The following GPC6 variants were observed in gnomAD, a reference collection of about 807,000 sequenced individuals.
The protein encoded by GPC6 is glypican 6.
A neutral mutation model predicts 55.2 loss-of-function variants in GPC6; 14 were observed. The ratio of observed to expected loss-of-function variants is 0.25; its 90% CI spans 0.17 to 0.40. The LOEUF is 0.40. GPC6 is among the 10% of genes least tolerant of loss of function. The pLI, the probability that GPC6 is intolerant of heterozygous loss-of-function variation, is 1.00. For synonymous variants in GPC6, 278 were observed against 259.6 expected (o/e 1.07, Z -0.68); for missense variants, 641 against 708.5 (o/e 0.90, Z 1.08).
At chr13:93,430,661 A>G (rs1877322198) in intron 1 of GPC6, among the ~76,000 whole-genome samples, 1 of 152,164 alleles carries the variant, frequency 6.6e-6, no homozygotes, top group Non-Finnish European at 1.5e-5. Context: ...ACTTGGCAGA[A>G]CGTACCAATA....
Position 94,385,871 on chromosome 13 carries a change from G to C in GPC6, c.1289+3321G>C, listed in dbSNP as rs1055144606. 5.3e-5 allele frequency among the ~76,000 whole-genome samples: 8 copies of C among 152,180 alleles called. No homozygotes were observed. In the South Asian group the frequency reaches 6.2e-4, roughly 12 times the overall value. The stretch of plus-strand genomic sequence containing the variant: ...ACATTTTTTCACACTTTTGAATTAT[G>C]AGTTTTAAGATGACAGGTCTTTTTA... On this transcript the variant is annotated intron_variant, in intron 7 of 8. Coordinates refer to ENST00000377047, the MANE Select transcript of GPC6 (RefSeq NM_005708.5).
intron 1 of GPC6, among the ~76,000 whole-genome samples, chr13:93,483,692 G>A (rs530773882): frequency 6.6e-6 from 1 of 152,236 alleles, no homozygotes; most frequent in South Asian, 2.1e-4. Flanking sequence ...ATAATGTTTA[G>A]TCATATGTGG....
At chr13:93,804,324 G>A (rs1473946084) in intron 2 of GPC6, among the ~76,000 whole-genome samples, 5 of 152,062 alleles carry the variant, frequency 3.3e-5, no homozygotes, top group African/African-American at 9.7e-5. Context: ...ATAGCTTGAT[G>A]ATTTGTAATT....
At chr13:93,573,522 A>T (rs958667443) in intron 2 of GPC6, among the ~76,000 whole-genome samples, 1 of 152,150 alleles carries the variant, frequency 6.6e-6, no homozygotes. Flanking sequence ...TGGGGCTTTT[A>T]TATAGAAGAG....
chr13:93,685,553 C>A (rs1882017483), intron 2 of GPC6, among the ~76,000 whole-genome samples: 2 of 152,112 alleles, frequency 1.3e-5, no homozygotes, highest in South Asian at 4.1e-4. Context: ...TTATGAAACA[C>A]CTCATTTAAC....
intron 1 of GPC6, among the ~76,000 whole-genome samples, chr13:93,325,853 C>T (rs1879634667): frequency 6.6e-6 from 1 of 152,076 alleles, no homozygotes; most frequent in South Asian, 2.1e-4. Context: ...GCCCTAGGGA[C>T]TAATGAGGAG....
At chr13:94,356,590 G>C (rs780731313) in intron 6 of GPC6, among the ~76,000 whole-genome samples, 3 of 152,186 alleles carry the variant, frequency 2.0e-5, no homozygotes, top group Non-Finnish European at 2.9e-5. Flanking sequence ...TGATCTGCCT[G>C]AAAGGATGAA....
At chr13:94,166,899 A>G (rs1033155942) in intron 4 of GPC6, among the ~76,000 whole-genome samples, 9 of 152,188 alleles carry the variant, frequency 5.9e-5, no homozygotes, top group African/African-American at 2.2e-4. Flanking sequence ...ATTACCTACA[A>G]TGATCAAAGT....
intron 4 of GPC6, among the ~76,000 whole-genome samples, chr13:94,235,049 C>G (rs938612585): frequency 1.3e-5 from 2 of 152,104 alleles, no homozygotes; most frequent in African/African-American, 2.4e-5. Flanking sequence ...ATAGAGTTAA[C>G]AAGGCTGTAC....
At chr13:93,617,540 A>C (rs1179093224) in intron 2 of GPC6, among the ~76,000 whole-genome samples, 1 of 152,100 alleles carries the variant, frequency 6.6e-6, no homozygotes, top group East Asian at 1.9e-4. Context: ...GATGTTAAGA[A>C]GCCCCCTCGG....
chr13:94,233,170 A>G (rs1465675984), intron 4 of GPC6, among the ~76,000 whole-genome samples: 8 of 151,874 alleles, frequency 5.3e-5, no homozygotes, highest in African/African-American at 1.9e-4. Context: ...GAGAAATTGC[A>G]TCATATTTAA....
At chr13:93,272,080 T>A (rs1877549522) in intron 1 of GPC6, among the ~76,000 whole-genome samples, 1 of 152,174 alleles carries the variant, frequency 6.6e-6, no homozygotes, top group African/African-American at 2.4e-5. Context: ...TTTTTTTCGC[T>A]TGTATTAGGG....
chr13:93,488,244 T>C (rs1879808055), intron 1 of GPC6, among the ~76,000 whole-genome samples: 1 of 152,186 alleles, frequency 6.6e-6, no homozygotes, highest in Non-Finnish European at 1.5e-5. Flanking sequence ...CTTGCGATAG[T>C]TTGCTCATAA....
At chr13:94,373,741 G>C (rs1350685734) in intron 6 of GPC6, among the ~76,000 whole-genome samples, 2 of 152,008 alleles carry the variant, frequency 1.3e-5, no homozygotes, top group Non-Finnish European at 2.9e-5. Flanking sequence ...TCGAGAAGAG[G>C]AACTTCAAGA....
chr13:93,421,865 A>T lies in GPC6; in HGVS notation c.161-123398A>T, dbSNP rs145614503. Among the ~76,000 whole-genome samples the T allele has an allele frequency of 1.4e-4, 21 of 152,324 alleles. No homozygotes were observed. The East Asian group carries it at 3.9e-3, about 28-fold the overall frequency. On this transcript the variant is annotated intron_variant, in intron 1 of 8. Transcript: ENST00000377047. ...TGTTATTAAAGTGGATGCTAAGTGG[A>T]GTATGTGACATTTGCTTCATATGCA...
At chr13:93,808,605 A>G (rs751945879) in intron 2 of GPC6, among the ~76,000 whole-genome samples, 32 of 152,214 alleles carry the variant, frequency 2.1e-4, no homozygotes, top group Non-Finnish European at 4.1e-4. Context: ...AGCCACTGTG[A>G]CAGACTTTGA....
intron 2 of GPC6, among the ~76,000 whole-genome samples, chr13:93,559,400 A>C (rs1257707966): frequency 6.6e-6 from 1 of 152,218 alleles, no homozygotes; most frequent in African/African-American, 2.4e-5. Flanking sequence ...TAGGACAAGG[A>C]TCCTACTATG....
chr13:93,578,485 A>G (rs1170900521), intron 2 of GPC6, among the ~76,000 whole-genome samples: 2 of 151,766 alleles, frequency 1.3e-5, no homozygotes, highest in African/African-American at 4.8e-5. Flanking sequence ...GTTGGCATAT[A>G]TTGTTCATAG....
chr13:94,224,322 A>G (rs117676109), intron 4 of GPC6, among the ~76,000 whole-genome samples: 2,642 of 150,156 alleles, frequency 0.018, 37 homozygotes, highest in Middle Eastern at 0.039. Flanking sequence ...ACATGGAAAT[A>G]GAATTTAAAA....
Sources: gnomAD v4.1 joint callset for allele counts (sites outside exome capture counted in the v4.1 genomes callset) on GRCh38, gnomAD v4.1.1 for gene constraint, MANE v1.5 for transcripts, NCBI Gene and HGNC (gene_info 2026-07-23, HGNC 2026-07-21) for gene names.